The following MLXIP variants were observed in gnomAD, a reference collection of about 807,000 sequenced individuals.
MLXIP encodes the protein MLX-interacting protein.
MLXIP carries 30 observed loss-of-function variants against 87.2 expected under a neutral mutation model. That is an observed-to-expected ratio of 0.34 (90% CI 0.26 to 0.47). MLXIP has a LOEUF of 0.47. MLXIP is among the 20% of genes least tolerant of loss of function. The pLI, the probability that MLXIP is intolerant of heterozygous loss-of-function variation, is 1.00. For synonymous variants in MLXIP, 530 were observed against 514.0 expected (o/e 1.03, Z -0.42); for missense variants, 1,002 against 1,240.1 (o/e 0.81, Z 2.88).
chr12:122,108,339 AG>A (rs1234707381), intron 1 of MLXIP, among the ~76,000 whole-genome samples: 2 of 145,390 alleles, frequency 1.4e-5, no homozygotes, highest in African/African-American at 5.1e-5. Flanking sequence ...CTGCAACTCT[AG>A]CCTGGCGACA....
At position 122,127,277 on chromosome 12, in the gene MLXIP, G is replaced by A; in HGVS notation, c.435G>A (p.Lys145=). The A allele has an allele frequency of 6.2e-7, 1 of 1,613,876 alleles. No homozygotes were observed. Among genetic ancestry groups the A allele is most frequent in the Non-Finnish European group, 8.5e-7 (1 of 1,179,866 alleles). ...LAYSGKLVSP[K]WKNFKGLKLQ... Reference sequence around the variant, plus strand: ...TCAGTGGGAAGTTGGTGTCTCCAAAGTGGAAGAATTTCAAGGGCCTGAAGC... The same window carrying A: ...TCAGTGGGAAGTTGGTGTCTCCAAAATGGAAGAATTTCAAGGGCCTGAAGC... Residue 145 remains lysine (K), a synonymous_variant, in exon 2 of 17, where the codon AAG becomes AAA. Coordinates refer to ENST00000319080, the MANE Select transcript of MLXIP (RefSeq NM_014938.6).
Position 122,093,631 on chromosome 12 carries a change from TG to T in MLXIP, c.413+14367del, listed in dbSNP as rs1206314250. 1.1e-4 allele frequency among the ~76,000 whole-genome samples: 12 copies of T among 110,834 alleles called. No homozygotes were observed. The Admixed American group carries it at 1.3e-3, about 12-fold the overall frequency. 72.7% of individuals were successfully genotyped at this position (110,834 alleles called of 152,430 possible). A position where few individuals can be genotyped will look rare whatever the true frequency, so the allele number is the denominator to read the frequency against. ...TGTGGTGTGTGTGTGGTGTGTGTGTTGGTGTGTGGTGTGTTGGTGTGTGTGT... is the reference window on the plus strand; with the variant it reads ...TGTGGTGTGTGTGTGGTGTGTGTGTTGTGTGTGGTGTGTTGGTGTGTGTGT... On this transcript the variant is annotated intron_variant, in intron 1 of 16. Transcript: ENST00000319080.
At position 122,144,246 on chromosome 12, in the gene MLXIP, T is replaced by G. The variant is rs1454906352; in HGVS notation, c.*2434T>G. 3 of 152,474 alleles carry G rather than the reference T, an allele frequency of 2.0e-5. No homozygotes were observed. The highest frequency in any genetic ancestry group is 4.8e-5 in the African/African-American group (2 of 41,398). 9.4% of individuals were successfully genotyped at this position (152,474 alleles called of 1,614,324 possible). On this transcript the variant is annotated 3_prime_UTR_variant, in exon 17 of 17. Coordinates refer to ENST00000319080, the MANE Select transcript of MLXIP (RefSeq NM_014938.6). ...TTCACCCTGATTCTTGCCCCCACTT[T>G]CATAAAAGAAACTTCAAAATGCTGA...
In MLXIP at chr12:122,138,510, G is replaced by T. The variant is rs746542983; in HGVS notation, c.2343G>T (p.Arg781=). Residue 781 remains arginine (R), a synonymous_variant, in exon 14 of 17, where the codon CGG becomes CGT. Transcript: ENST00000319080. ...QERGQMQEEA[R]RLREEIEELN... ...GAGGCCAGATGCAGGAGGAGGCCCG[G>T]CGGCTGCGGGAGGAGATCGAGGAGC... The T allele has an allele frequency of 2.5e-6, 4 of 1,613,794 alleles. 1 individual carries two copies. Among genetic ancestry groups the T allele is most frequent in the Non-Finnish European group, 3.4e-6 (4 of 1,179,846 alleles).
chr12:122,138,650 G>A (rs1374279233), intron 14 of MLXIP, 99 bp downstream of exon 14: 24 of 1,507,630 alleles, frequency 1.6e-5, no homozygotes, highest in Non-Finnish European at 2.0e-5. Context: ...ACTGGTCAGT[G>A]CCTCTTTGCT....
At chr12:122,092,310 G>A (rs1488806713) in intron 1 of MLXIP, among the ~76,000 whole-genome samples, 2 of 152,052 alleles carry the variant, frequency 1.3e-5, no homozygotes, top group Non-Finnish European at 2.9e-5. Context: ...TGTTGCTCAG[G>A]TTGGTCTTGA....
chr12:122,125,657 GAGCCTTTGAACTTGGGAGAGAAGGAAGGA>G (rs1200296642), intron 1 of MLXIP, among the ~76,000 whole-genome samples: 1 of 152,238 alleles, frequency 6.6e-6, no homozygotes, highest in Non-Finnish European at 1.5e-5. Flanking sequence ...TGGGTTAGAT[GAGCCTTTGAACTTGGGAGAGAAGGAAGGA>G]AGGAAGGTGT....
intron 1 of MLXIP, among the ~76,000 whole-genome samples, chr12:122,096,985 G>GA (rs948637787): frequency 2.0e-5 from 3 of 152,204 alleles, no homozygotes; most frequent in Non-Finnish European, 4.4e-5. Flanking sequence ...TCAACGCTCT[G>GA]AAAAATGATT....
chr12:122,094,083 TTGGTGTGTGTGG>T (rs1211798810), intron 1 of MLXIP, among the ~76,000 whole-genome samples: 11 of 140,318 alleles, frequency 7.8e-5, no homozygotes, highest in Admixed American at 2.8e-4. Context: ...GTGTGGTGTG[TTGGTGTGTGTGG>T]TGGTGTGTGT....
At chr12:122,131,912 C>CTTTT (rs60691591) in intron 7 of MLXIP, among the ~76,000 whole-genome samples, 3 of 73,942 alleles carry the variant, frequency 4.1e-5, no homozygotes, top group African/African-American at 1.8e-4. Flanking sequence ...TGGTTGGCAC[C>CTTTT]TTTTTTTTTT....
chr12:122,123,630 A>G (rs1162733952), intron 1 of MLXIP, among the ~76,000 whole-genome samples: 1 of 152,172 alleles, frequency 6.6e-6, no homozygotes, highest in Non-Finnish European at 1.5e-5. Flanking sequence ...AGCTGTTGGT[A>G]TGACACCCTC....
intron 1 of MLXIP, among the ~76,000 whole-genome samples, chr12:122,123,182 G>T (rs1952812091): frequency 6.6e-6 from 1 of 152,162 alleles, no homozygotes; most frequent in African/African-American, 2.4e-5. Flanking sequence ...CCCTTCCTTT[G>T]TGACACCTGA....
intron 3 of MLXIP, 99 bp downstream of exon 3, chr12:122,128,067 G>A (rs1458650107): frequency 4.7e-6 from 5 of 1,063,918 alleles, no homozygotes; most frequent in Non-Finnish European, 7.1e-6. Flanking sequence ...AGGCTGCCGA[G>A]GGTAGTGCAG....
At chr12:122,080,806 G>A (rs1350627521) in intron 1 of MLXIP, among the ~76,000 whole-genome samples, 1 of 152,238 alleles carries the variant, frequency 6.6e-6, no homozygotes, top group Non-Finnish European at 1.5e-5. Flanking sequence ...AACCCGACTG[G>A]ATCGCAGCAT....
chr12:122,103,177 A>G (rs959958865), intron 1 of MLXIP, among the ~76,000 whole-genome samples: 1 of 31,820 alleles, frequency 3.1e-5, no homozygotes, highest in Non-Finnish European at 6.8e-5. Flanking sequence ...CTAATTTTAT[A>G]TGTATGTATG....
chr12:122,118,055 A>C (rs182020390), intron 1 of MLXIP, among the ~76,000 whole-genome samples: 174 of 152,248 alleles, frequency 1.1e-3, no homozygotes, highest in Middle Eastern at 0.01. Flanking sequence ...GGCCATTATT[A>C]AGTAAAATAA....
At chr12:122,105,278 G>C (rs36168754) in intron 1 of MLXIP, among the ~76,000 whole-genome samples, 63,466 of 151,802 alleles carry the variant, frequency 0.42, 13,887 homozygotes, top group Middle Eastern at 0.61. Context: ...TTTTCCTAAT[G>C]CCTCTCTCAG....
In MLXIP at chr12:122,137,533, A is replaced by G. The variant is rs375233806; in HGVS notation, c.2097A>G (p.Gln699=). 4.0e-5 allele frequency: 65 copies of G among 1,613,848 alleles called. No homozygotes were observed. The highest frequency in any genetic ancestry group is 1.6e-4 in the Middle Eastern group (1 of 6,082). The part of the protein sequence containing the change: ...PCASEQSPSP[Q]SPQNNCSGKS... Reference sequence around the variant, plus strand: ...CATCGGAGCAGAGCCCCAGTCCTCAATCTCCCCAGAACAACTGCTCAGGGA... The same window carrying G: ...CATCGGAGCAGAGCCCCAGTCCTCAGTCTCCCCAGAACAACTGCTCAGGGA... The change falls in exon 12 of 17, where the codon CAA becomes CAG. Residue 699 remains glutamine (Q), a synonymous_variant. Coordinates refer to ENST00000319080, the MANE Select transcript of MLXIP (RefSeq NM_014938.6). This position sits in a 1 kb window ranked among gnomAD's most constrained non-coding sequence, Gnocchi z 4.1.
At chr12:122,080,431 G>T (rs1952074530) in intron 1 of MLXIP, among the ~76,000 whole-genome samples, 1 of 152,156 alleles carries the variant, frequency 6.6e-6, no homozygotes, top group South Asian at 2.1e-4. Context: ...TGAGCCCCAA[G>T]CATATCCAGG....
Sources: allele counts gnomAD v4.1 joint callset (sites outside exome capture counted in the v4.1 genomes callset), GRCh38; gene constraint gnomAD v4.1.1; non-coding constraint Gnocchi (gnomAD v3.1); transcripts MANE v1.5; gene names NCBI Gene and HGNC (gene_info 2026-07-23, HGNC 2026-07-21).